FMN1: variants seen among roughly 807,000 people sequenced by gnomAD.
The protein encoded by FMN1 is formin-1.
In FMN1, 110 loss-of-function variants were observed where a neutral mutation model predicts 132.4. The ratio of observed to expected loss-of-function variants is 0.83; its 90% CI spans 0.71 to 0.97. The LOEUF is 0.97. Among genes scored for constraint, FMN1 ranks in the 50% least tolerant of loss-of-function variants. The probability of loss-of-function intolerance (pLI) is 0.00; values close to 1 mark genes in which losing one functional copy is unlikely to be tolerated. For synonymous variants in FMN1, 722 were observed against 651.7 expected, an observed-to-expected ratio of 1.11 and a Z score of -1.64; for missense variants, 1,792 against 1,705.3, an observed-to-expected ratio of 1.05 and a Z score of -0.90.
chr15:32,847,874 A>C (rs1299949191), intron 17 of FMN1, among the ~76,000 whole-genome samples: 2 of 152,156 alleles, frequency 1.3e-5, no homozygotes, highest in African/African-American at 4.8e-5. Flanking sequence ...AACAAACAAA[A>C]AAATTAGAGT....
intron 5 of FMN1, chr15:33,067,865 G>A: frequency 6.2e-7 from 1 of 1,611,542 alleles, no homozygotes; most frequent in Non-Finnish European, 8.5e-7. Context: ...GCCATCCAGA[G>A]AATTATCAAC....
chr15:33,056,075 C>T (rs1379493000), intron 6 of FMN1, among the ~76,000 whole-genome samples: 1 of 152,160 alleles, frequency 6.6e-6, no homozygotes, highest in African/African-American at 2.4e-5. Flanking sequence ...GCGGAGTAAC[C>T]AGCACTGTCA....
At chr15:32,788,737 G>A (rs916252356) in intron 19 of FMN1, among the ~76,000 whole-genome samples, 3 of 152,296 alleles carry the variant, frequency 2.0e-5, no homozygotes, top group East Asian at 1.9e-4. Flanking sequence ...AATGGAGTGC[G>A]GACAGATGCT....
In FMN1 at chr15:33,165,412, A is replaced by G. The variant is rs147041796; in HGVS notation, c.-131-10367T>C. Among the ~76,000 whole-genome samples the G allele has an allele frequency of 2.7e-3, 410 of 152,248 alleles. 5 individuals carry two copies. Among genetic ancestry groups the G allele is most frequent in the African/African-American group, 9.5e-3 (393 of 41,546 alleles). On this transcript the variant is annotated intron_variant, in intron 3 of 20. Transcript: ENST00000616417. ...TAGGTTTTTCTTTCTTTTTTTTGAGACGGAGTCTCGCTCTGTCACCCAGGC... is the reference window on the plus strand; with the variant it reads ...TAGGTTTTTCTTTCTTTTTTTTGAGGCGGAGTCTCGCTCTGTCACCCAGGC...
At chr15:33,134,450 T>C (rs903651811) in intron 4 of FMN1, among the ~76,000 whole-genome samples, 1 of 152,158 alleles carries the variant, frequency 6.6e-6, no homozygotes, top group Non-Finnish European at 1.5e-5. Context: ...GTGTTTGGCA[T>C]GTAAATGCAG....
At chr15:33,125,784 T>C (rs1963003401) in intron 4 of FMN1, among the ~76,000 whole-genome samples, 1 of 152,206 alleles carries the variant, frequency 6.6e-6, no homozygotes, top group South Asian at 2.1e-4. Flanking sequence ...ACTCCCACTG[T>C]TTTAGTGACT....
intron 4 of FMN1, among the ~76,000 whole-genome samples, chr15:33,101,721 C>A (rs1039982831): frequency 6.6e-6 from 1 of 152,088 alleles, no homozygotes; most frequent in Non-Finnish European, 1.5e-5. Context: ...TAAATCCTAT[C>A]CCATCGGTCC....
At chr15:32,822,634 T>G (rs1223047513) in intron 17 of FMN1, among the ~76,000 whole-genome samples, 1 of 152,210 alleles carries the variant, frequency 6.6e-6, no homozygotes, top group Non-Finnish European at 1.5e-5. Context: ...ATGTGTACAT[T>G]TATTTTTCAT....
At chr15:33,103,187 C>CT (rs2039358992) in intron 4 of FMN1, among the ~76,000 whole-genome samples, 1 of 152,062 alleles carries the variant, frequency 6.6e-6, no homozygotes, top group Non-Finnish European at 1.5e-5. Context: ...AAGATCTACT[C>CT]TTTTTTATCA....
intron 19 of FMN1, among the ~76,000 whole-genome samples, chr15:32,788,208 C>T (rs1210190887): frequency 3.9e-5 from 6 of 152,222 alleles, no homozygotes; most frequent in Admixed American, 1.3e-4. Context: ...AATCACTCTG[C>T]ACTTAGTAGA....
chr15:33,067,108 G>A, intron 5 of FMN1: 2 of 1,613,962 alleles, frequency 1.2e-6, no homozygotes, highest in Non-Finnish European at 1.7e-6. Context: ...TTTTAGAAGA[G>A]GCACTCTCAG....
At chr15:33,166,585 C>A (rs1161797741) in intron 3 of FMN1, among the ~76,000 whole-genome samples, 5 of 152,096 alleles carry the variant, frequency 3.3e-5, no homozygotes, top group Non-Finnish European at 5.9e-5. Flanking sequence ...ACTCAGAATC[C>A]TACAAGAGAT....
At chr15:32,824,738 T>A (rs2058321889) in intron 17 of FMN1, among the ~76,000 whole-genome samples, 2 of 152,210 alleles carry the variant, frequency 1.3e-5, no homozygotes, top group African/African-American at 4.8e-5. Flanking sequence ...GGACTACAGG[T>A]GTGAGCCACC....
At chr15:33,101,717 C>A (rs1454929683) in intron 4 of FMN1, among the ~76,000 whole-genome samples, 1 of 152,084 alleles carries the variant, frequency 6.6e-6, no homozygotes, top group Non-Finnish European at 1.5e-5. Flanking sequence ...GTTTTAAATC[C>A]TATCCCATCG....
chr15:32,954,029 TAGGTATAGAAGTTA>T (rs1567455931), intron 9 of FMN1, among the ~76,000 whole-genome samples: 1 of 152,224 alleles, frequency 6.6e-6, no homozygotes, highest in Non-Finnish European at 1.5e-5. Context: ...GATGCCATGT[TAGGTATAGAAGTTA>T]AGGTCAGAGG....
intron 4 of FMN1, among the ~76,000 whole-genome samples, chr15:33,125,098 A>C (rs969185570): frequency 1.3e-5 from 2 of 152,086 alleles, no homozygotes; most frequent in African/African-American, 4.8e-5. Context: ...CTGTGAAATA[A>C]CATAATGCCT....
chr15:32,958,964 A>G (rs1214832703), intron 9 of FMN1, among the ~76,000 whole-genome samples: 1 of 148,840 alleles, frequency 6.7e-6, no homozygotes, highest in Non-Finnish European at 1.5e-5. Flanking sequence ...ATCGGCTTGA[A>G]CCTGGGTGGT....
rs567954535 is a variant in FMN1, at chr15:32,934,045, T to C, written c.3139-7784A>G. ...TCATTGTTTTGTAGCTTTTGTAGTT[T>C]TGTCTTTTTCTATATTGATGACTTT... is the stretch of plus-strand genomic sequence containing the variant. On this transcript the variant is annotated intron_variant, in intron 9 of 20. Transcript: ENST00000616417. Among the ~76,000 whole-genome samples, 151 of 151,998 alleles carry C rather than the reference T, an allele frequency of 9.9e-4. No homozygotes were observed. The Middle Eastern group carries it at 0.024, about 24-fold the overall frequency.
intron 7 of FMN1, 44 bp from the exon 8 acceptor site, chr15:32,969,521 G>A (rs1458209713): frequency 1.3e-6 from 2 of 1,582,172 alleles, no homozygotes; most frequent in Non-Finnish European, 1.7e-6. Context: ...AGTTTATTAA[G>A]AACAAACTTA....
Sources: allele counts gnomAD v4.1 joint callset (sites outside exome capture counted in the v4.1 genomes callset), GRCh38; gene constraint gnomAD v4.1.1; transcripts MANE v1.5; gene names NCBI Gene and HGNC (gene_info 2026-07-23, HGNC 2026-07-21).